CDK14: variants seen among roughly 807,000 people sequenced by gnomAD.
CDK14 encodes the protein cyclin dependent kinase 14.
CDK14 carries 34 observed loss-of-function variants against 60.7 expected under a neutral mutation model. That is an observed-to-expected ratio of 0.56 (90% confidence interval 0.43 to 0.75). The LOEUF (loss-of-function observed/expected upper bound fraction) is 0.75, where lower values mean the gene tolerates loss of function less well. CDK14 is among the 30% of genes least tolerant of loss of function. The pLI is 0.00. For synonymous variants in CDK14, 197 were observed against 203.7 expected, an observed-to-expected ratio of 0.97 and a Z score of 0.28; for missense variants, 482 against 564.1, an observed-to-expected ratio of 0.85 and a Z score of 1.47.
At chr7:90,842,000 C>G (rs541083239) in intron 5 of CDK14, among the ~76,000 whole-genome samples, 3 of 152,092 alleles carry the variant, frequency 2.0e-5, no homozygotes, top group African/African-American at 7.2e-5. Flanking sequence ...AATCATAACA[C>G]CTTGGAGTGC....
At chr7:91,138,065 T>G (rs549692857) in intron 14 of CDK14, among the ~76,000 whole-genome samples, 1 of 152,336 alleles carries the variant, frequency 6.6e-6, no homozygotes, top group African/African-American at 2.4e-5. Flanking sequence ...TGATAAGGTT[T>G]AATTAAAACT....
At chr7:91,088,230 G>A (rs1477664072) in intron 12 of CDK14, among the ~76,000 whole-genome samples, 1 of 152,206 alleles carries the variant, frequency 6.6e-6, no homozygotes, top group Non-Finnish European at 1.5e-5. Context: ...GCATGGCCAT[G>A]CCATATCTGT....
intron 11 of CDK14, among the ~76,000 whole-genome samples, chr7:91,065,271 T>A (rs1797942902): frequency 6.6e-6 from 1 of 152,218 alleles, no homozygotes; most frequent in African/African-American, 2.4e-5. Flanking sequence ...AGTGCAATTC[T>A]GTTCAGCATT....
intron 5 of CDK14, among the ~76,000 whole-genome samples, chr7:90,813,574 C>A (rs1366370066): frequency 6.6e-6 from 1 of 152,018 alleles, no homozygotes; most frequent in Non-Finnish European, 1.5e-5. Context: ...ATGGCAAAAC[C>A]CCGTCTCTAC....
chr7:91,205,616 G>T (rs1656901462), intron 14 of CDK14, among the ~76,000 whole-genome samples: 1 of 152,116 alleles, frequency 6.6e-6, no homozygotes, highest in Non-Finnish European at 1.5e-5. Context: ...AAATAGAGAT[G>T]ATAGTTGCAC....
At chr7:90,736,822 A>G (rs1003595586) in intron 3 of CDK14, among the ~76,000 whole-genome samples, 17 of 152,256 alleles carry the variant, frequency 1.1e-4, no homozygotes, top group African/African-American at 4.1e-4. Flanking sequence ...AGCCGTATAC[A>G]TCTATATGCT....
chr7:90,995,830 G>A (rs1205473788), intron 10 of CDK14, among the ~76,000 whole-genome samples: 1 of 152,218 alleles, frequency 6.6e-6, no homozygotes, highest in Middle Eastern at 3.4e-3. Flanking sequence ...ACCCCACTGA[G>A]GATTCTGAAT....
At chr7:90,904,731 TA>T (rs1792637712) in intron 7 of CDK14, among the ~76,000 whole-genome samples, 1 of 152,160 alleles carries the variant, frequency 6.6e-6, no homozygotes, top group African/African-American at 2.4e-5. Flanking sequence ...GATTAATGCC[TA>T]GATCATTTAA....
intron 12 of CDK14, among the ~76,000 whole-genome samples, chr7:91,093,190 A>C (rs749824997): frequency 1.3e-5 from 2 of 152,220 alleles, no homozygotes; most frequent in Non-Finnish European, 2.9e-5. Context: ...TCTATTTGGA[A>C]GTATTCGAGC....
rs896466549 is a variant in CDK14, at chr7:90,953,202, G to A, written c.827-2495G>A. Among the ~76,000 whole-genome samples the A allele has an allele frequency of 5.5e-5, 6 of 110,066 alleles. No homozygotes were observed. The South Asian group carries it at 1.1e-3, about 21-fold the overall frequency. 72.2% of individuals were successfully genotyped at this position (110,066 alleles called of 152,430 possible). Reference sequence around the variant, plus strand: ...CTACAATAAATTGTTTTAATTGACTGTGTTCAAATGAGATGAGAGAATTTT... The same window carrying A: ...CTACAATAAATTGTTTTAATTGACTATGTTCAAATGAGATGAGAGAATTTT... On this transcript the variant is annotated intron_variant, in intron 8 of 14. Transcript: ENST00000380050.
rs1365432087 is a variant in CDK14 at position 91,209,686 on chromosome 7, A to C, written c.*2550A>C. 6.6e-6 allele frequency: 1 copy of C among 152,662 alleles called. No homozygotes were observed. The highest frequency in any genetic ancestry group is 6.5e-5 in the Admixed American group (1 of 15,280). The allele number at this position is 152,662 out of a possible 1,614,324, so 9.5% of individuals were successfully genotyped here. ...CACCTTAGCACATCACTGCACACACAGTATTCTGAAAGGAGATTTGACACT... is the reference window on the plus strand; with the variant it reads ...CACCTTAGCACATCACTGCACACACCGTATTCTGAAAGGAGATTTGACACT... On this transcript the variant is annotated 3_prime_UTR_variant, in exon 15 of 15. Coordinates refer to ENST00000380050, the MANE Select transcript of CDK14 (RefSeq NM_001287135.2).
chr7:90,750,184 ACACACACACACACACAC>A (rs775534122), intron 4 of CDK14, among the ~76,000 whole-genome samples: 2 of 151,800 alleles, frequency 1.3e-5, no homozygotes, highest in Non-Finnish European at 2.9e-5. Flanking sequence ...ACACACACAC[ACACACACACACACACAC>A]CAATAATATT....
chr7:90,967,848 T>C (rs1584180097), intron 9 of CDK14, among the ~76,000 whole-genome samples: 1 of 152,304 alleles, frequency 6.6e-6, no homozygotes, highest in Non-Finnish European at 1.5e-5. Flanking sequence ...AAAAAGTGGA[T>C]CATTAACTTA....
chr7:90,919,291 A>G (rs1475958915), intron 8 of CDK14, among the ~76,000 whole-genome samples: 1 of 152,132 alleles, frequency 6.6e-6, no homozygotes, highest in Admixed American at 6.5e-5. Context: ...ATTTTTATAA[A>G]TTTTGTCTGT....
At position 91,209,520 on chromosome 7, in the gene CDK14, G is replaced by T. The variant is rs1803003760; in HGVS notation, c.*2384G>T. 1 of 148,486 alleles carries T rather than the reference G, an allele frequency of 6.7e-6. No homozygotes were observed. The highest frequency in any genetic ancestry group is 2.5e-5 in the African/African-American group (1 of 39,912). 9.2% of individuals were successfully genotyped at this position (148,486 alleles called of 1,614,324 possible). ...GCTTCTTTTCTCTTCTGCCCTCCTTGTGGGCAGTCATGAAAATCAATTCAG... is the reference window on the plus strand; with the variant it reads ...GCTTCTTTTCTCTTCTGCCCTCCTTTTGGGCAGTCATGAAAATCAATTCAG... On this transcript the variant is annotated 3_prime_UTR_variant, in exon 15 of 15. Transcript: ENST00000380050.
intron 2 of CDK14, among the ~76,000 whole-genome samples, chr7:90,692,433 T>A (rs900630330): frequency 1.3e-5 from 2 of 152,218 alleles, no homozygotes; most frequent in African/African-American, 4.8e-5. Context: ...AATTAGCTTA[T>A]AAGCCACTCT....
chr7:91,022,647 A>G (rs1196039238), intron 10 of CDK14, among the ~76,000 whole-genome samples: 2 of 152,178 alleles, frequency 1.3e-5, no homozygotes, highest in Non-Finnish European at 2.9e-5. Flanking sequence ...GCTACAGGAG[A>G]TCTCCAGAGA....
chr7:91,147,320 T>C (rs758438949), intron 14 of CDK14, among the ~76,000 whole-genome samples: 7 of 152,152 alleles, frequency 4.6e-5, no homozygotes, highest in Non-Finnish European at 1.0e-4. Context: ...CGAGATAATT[T>C]TCAATATTAG....
At chr7:90,797,814 C>A (rs1788494247) in intron 5 of CDK14, among the ~76,000 whole-genome samples, 1 of 151,992 alleles carries the variant, frequency 6.6e-6, no homozygotes, top group South Asian at 2.1e-4. Context: ...AGCTCACTGA[C>A]TCACTATTGA....
Sources: allele counts gnomAD v4.1 joint callset (sites outside exome capture counted in the v4.1 genomes callset), GRCh38; gene constraint gnomAD v4.1.1; transcripts MANE v1.5; gene names NCBI Gene and HGNC (gene_info 2026-07-23, HGNC 2026-07-21).